Variants in LMAN2L observed in about 807,000 individuals in gnomAD.
The protein encoded by LMAN2L is lectin, mannose binding 2 like, also known as VIP36-like protein.
A neutral mutation model predicts 44.3 loss-of-function variants in LMAN2L; 30 were observed. That is an observed-to-expected ratio of 0.68 (90% CI 0.51 to 0.92). LMAN2L has a LOEUF of 0.92. Ranked by LOEUF, LMAN2L falls within the 40% of genes least tolerant of loss-of-function variation. The pLI is 0.00. For synonymous variants in LMAN2L, 183 were observed against 171.1 expected, an observed-to-expected ratio of 1.07 and a Z score of -0.54; for missense variants, 429 against 446.1, an observed-to-expected ratio of 0.96 and a Z score of 0.35.
chr2:96,739,183 TAA>T (rs1205837106), intron 1 of LMAN2L, among the ~76,000 whole-genome samples: 9 of 152,260 alleles, frequency 5.9e-5, no homozygotes, highest in Non-Finnish European at 1.3e-4. Context: ...TCCAGGCATG[TAA>T]GTGAATAAAT....
At chr2:96,728,686 T>C (rs551163626) in intron 4 of LMAN2L, among the ~76,000 whole-genome samples, 2 of 151,676 alleles carry the variant, frequency 1.3e-5, no homozygotes, top group East Asian at 2.0e-4. Flanking sequence ...CTACTAGAAA[T>C]ACAAAAATTA....
intron 4 of LMAN2L, among the ~76,000 whole-genome samples, chr2:96,718,710 C>T (rs1336002650): frequency 6.6e-6 from 1 of 152,130 alleles, no homozygotes; most frequent in Non-Finnish European, 1.5e-5. Flanking sequence ...AAAGAGGAGA[C>T]AATACCCATC....
At chr2:96,730,070 A>T (rs1273785804) in intron 4 of LMAN2L, among the ~76,000 whole-genome samples, 1 of 152,088 alleles carries the variant, frequency 6.6e-6, no homozygotes, top group Non-Finnish European at 1.5e-5. Flanking sequence ...TCTAAAATAA[A>T]TTTTTTTTAA....
chr2:96,739,937 G>A lies in LMAN2L; in HGVS notation c.104C>T (p.Ser35Phe). The stretch of plus-strand genomic sequence containing the variant: ...CCCGACTTGCTGTGGCCCCTGCCCA[G>A]ACCCCAACAAAAGAAGAAGGAGTAA... Reference protein sequence around the residue: ...RMLLLLLLLGSGQGPQQVGAG... With the variant: ...RMLLLLLLLGFGQGPQQVGAG... Residue 35 changes from serine (S) to phenylalanine (F), a missense_variant, in exon 1 of 8, where the codon TCT becomes TTT. Physicochemically the swap from Ser to Phe is radical, Grantham distance 155 (BLOSUM62 -2). Coordinates refer to ENST00000264963, the MANE Select transcript of LMAN2L (RefSeq NM_030805.4). The A allele has an allele frequency of 6.2e-7, 1 of 1,614,066 alleles. No individual in the cohort carries two copies. The highest frequency in any genetic ancestry group is 8.5e-7 in the Non-Finnish European group (1 of 1,180,030).
chr2:96,738,482 C>T (rs1295372173), intron 1 of LMAN2L, among the ~76,000 whole-genome samples: 1 of 151,946 alleles, frequency 6.6e-6, no homozygotes, highest in Non-Finnish European at 1.5e-5. Context: ...AATTTGAGAC[C>T]AGCCTGGGCA....
intron 4 of LMAN2L, among the ~76,000 whole-genome samples, chr2:96,724,830 T>A (rs2078233663): frequency 6.6e-6 from 1 of 151,506 alleles, no homozygotes; most frequent in Non-Finnish European, 1.5e-5. Flanking sequence ...TATTTTTATT[T>A]TTATTTATTT....
At chr2:96,736,192 T>C (rs2153337218) in intron 2 of LMAN2L, among the ~76,000 whole-genome samples, 1 of 152,310 alleles carries the variant, frequency 6.6e-6, no homozygotes, top group East Asian at 1.9e-4. Context: ...CTCAGGACCA[T>C]GTCTAATTGT....
At chr2:96,722,013 G>T (rs1474175148) in intron 4 of LMAN2L, among the ~76,000 whole-genome samples, 1 of 151,844 alleles carries the variant, frequency 6.6e-6, no homozygotes, top group East Asian at 1.9e-4. Flanking sequence ...TGTTGCCCAG[G>T]CTGGAATCCA....
At chr2:96,718,797 G>A (rs559803740) in intron 4 of LMAN2L, among the ~76,000 whole-genome samples, 7 of 152,262 alleles carry the variant, frequency 4.6e-5, no homozygotes, top group East Asian at 3.9e-4. Context: ...TGCTCTGTAA[G>A]CCCCCAGACT....
chr2:96,733,356 A>G lies in LMAN2L; in HGVS notation c.507+163T>C, dbSNP rs139482709. ...CCCAAAAGACTGTGCACTCCTAAAT[A>G]GTCCCTTTAGAAAAAAACACTGACA... On this transcript the variant is annotated intron_variant, in intron 4 of 7. Coordinates refer to ENST00000264963, the MANE Select transcript of LMAN2L (RefSeq NM_030805.4). Among the ~76,000 whole-genome samples, 75 of 152,290 alleles carry G rather than the reference A, an allele frequency of 4.9e-4. 3 individuals are homozygous for G. In the East Asian group the frequency reaches 0.011, roughly 22 times the overall value.
At chr2:96,729,696 C>T (rs992604899) in intron 4 of LMAN2L, among the ~76,000 whole-genome samples, 1 of 152,034 alleles carries the variant, frequency 6.6e-6, no homozygotes, top group Non-Finnish European at 1.5e-5. Flanking sequence ...TTAGTAGAGA[C>T]AGGGTTTCAC....
chr2:96,707,933 A>G (rs1389566472), intron 6 of LMAN2L, 100 bp from the exon 7 acceptor site: 3 of 1,210,846 alleles, frequency 2.5e-6, no homozygotes, highest in Non-Finnish European at 3.5e-6. Flanking sequence ...ACAGCTAACC[A>G]GCAGTGACCT....
intron 2 of LMAN2L, 170 bp from the exon 3 acceptor site, chr2:96,734,696 T>C: frequency 3.3e-6 from 2 of 599,860 alleles, no homozygotes; most frequent in Non-Finnish European, 6.0e-6. Context: ...ATTAAACGGA[T>C]TGAACCATTC....
chr2:96,734,561 C>A, intron 2 of LMAN2L, 35 bp from the exon 3 acceptor site: 1 of 1,364,656 alleles, frequency 7.3e-7, no homozygotes, highest in Non-Finnish European at 1.0e-6. Flanking sequence ...CAATGAGGAG[C>A]ATGAAATGCA....
intron 2 of LMAN2L, 155 bp from the exon 3 acceptor site, chr2:96,734,681 A>G (rs968125026): frequency 6.5e-6 from 4 of 612,188 alleles, no homozygotes; most frequent in African/African-American, 1.8e-5. Flanking sequence ...TGTTCATGTC[A>G]TAAAATTAAA....
At chr2:96,724,815 TTTTTTA>T (rs1034034878) in intron 4 of LMAN2L, among the ~76,000 whole-genome samples, 4 of 151,584 alleles carry the variant, frequency 2.6e-5, no homozygotes, top group Admixed American at 6.6e-5. Flanking sequence ...CTCAGCTAAT[TTTTTTA>T]TTTTTATTTT....
intron 6 of LMAN2L, among the ~76,000 whole-genome samples, chr2:96,710,284 T>C (rs2077884389): frequency 6.6e-6 from 1 of 152,232 alleles, no homozygotes. Flanking sequence ...AACTGTATTC[T>C]TCTGTTGTAT....
intron 6 of LMAN2L, among the ~76,000 whole-genome samples, chr2:96,709,110 G>T (rs1558946233): frequency 6.6e-6 from 1 of 151,610 alleles, no homozygotes; most frequent in Non-Finnish European, 1.5e-5. Context: ...TAGTAGAGAT[G>T]GGGTTTCTCC....
intron 4 of LMAN2L, among the ~76,000 whole-genome samples, chr2:96,714,460 T>C (rs2077993139): frequency 1.3e-5 from 2 of 152,232 alleles, no homozygotes; most frequent in Admixed American, 1.3e-4. Context: ...AGGCATGACA[T>C]CAATCCGTGG....
Sources: gnomAD v4.1 joint callset for allele counts (sites outside exome capture counted in the v4.1 genomes callset) on GRCh38, gnomAD v4.1.1 for gene constraint, MANE v1.5 for transcripts, NCBI Gene and HGNC (gene_info 2026-07-23, HGNC 2026-07-21) for gene names.